RBFOX3: variants seen among roughly 807,000 people sequenced by gnomAD.
The protein encoded by RBFOX3 is RNA binding protein fox-1 homolog 3.
RBFOX3 carries 17 observed loss-of-function variants against 48.7 expected under a neutral mutation model. That is an observed-to-expected ratio of 0.35 (90% CI 0.24 to 0.52). The LOEUF is 0.52. RBFOX3 is among the 20% of genes least tolerant of loss of function. The pLI, the probability that RBFOX3 is intolerant of heterozygous loss-of-function variation, is 0.94. For synonymous variants in RBFOX3, 212 were observed against 209.5 expected (o/e 1.01, Z -0.10); for missense variants, 382 against 497.5 (o/e 0.77, Z 2.21).
intron 2 of RBFOX3, among the ~76,000 whole-genome samples, chr17:79,350,302 C>T (rs951985970): frequency 6.6e-6 from 1 of 152,174 alleles, no homozygotes; most frequent in Non-Finnish European, 1.5e-5. Flanking sequence ...TCTGATGGTC[C>T]TGTTTAATTC....
At chr17:79,306,523 C>T (rs777571276) in intron 3 of RBFOX3, among the ~76,000 whole-genome samples, 12 of 152,238 alleles carry the variant, frequency 7.9e-5, no homozygotes, top group Non-Finnish European at 1.5e-4. Flanking sequence ...CTGTTTCCAA[C>T]TCAGGCTAAA....
At chr17:79,551,489 G>A (rs1362326115) in intron 1 of RBFOX3, among the ~76,000 whole-genome samples, 1 of 143,302 alleles carries the variant, frequency 7.0e-6, no homozygotes, top group Non-Finnish European at 1.5e-5. Flanking sequence ...GTGGATGGAC[G>A]GGTGGGTGGA....
At chr17:79,463,196 G>GCCATCGCCACTGCCACCT in intron 2 of RBFOX3, among the ~76,000 whole-genome samples, 1 of 114,032 alleles carries the variant, frequency 8.8e-6, no homozygotes, top group South Asian at 3.0e-4. Context: ...CACTGCCACC[G>GCCATCGCCACTGCCACCT]CCATCGCCAC....
At chr17:79,316,035 C>T (rs1334596458) in intron 2 of RBFOX3, among the ~76,000 whole-genome samples, 2 of 152,162 alleles carry the variant, frequency 1.3e-5, no homozygotes, top group Non-Finnish European at 2.9e-5. Context: ...AGTATCTGTG[C>T]CCCCTGCTGC....
At chr17:79,529,638 C>T (rs1055621602) in intron 1 of RBFOX3, among the ~76,000 whole-genome samples, 12,947 of 152,258 alleles carry the variant, frequency 0.085, 579 homozygotes, top group East Asian at 0.12. Context: ...GGGTAGAGGA[C>T]ACAGTCTGTG....
chr17:79,289,108 C>A lies in RBFOX3; in HGVS notation c.-74+18616G>T, dbSNP rs2072683614. ...ACCAGAACCTGTCATCTCTAACCTT[C>A]TGCTGCTCCCCAGATCCCAAAAGAC... On this transcript the variant is annotated intron_variant, in intron 3 of 14. Transcript: ENST00000693108. Among the ~76,000 whole-genome samples, 3 of 152,200 alleles carry A rather than the reference C, an allele frequency of 2.0e-5. No homozygotes were observed. The South Asian group carries it at 6.2e-4, about 32-fold the overall frequency.
chr17:79,505,130 C>T (rs981600581), intron 1 of RBFOX3, among the ~76,000 whole-genome samples: 2 of 152,180 alleles, frequency 1.3e-5, no homozygotes, highest in Non-Finnish European at 2.9e-5. Context: ...CCAGAAGCTG[C>T]TTAAGTGGAA....
intron 3 of RBFOX3, among the ~76,000 whole-genome samples, chr17:79,238,000 A>T (rs1286182788): frequency 6.6e-6 from 1 of 152,192 alleles, no homozygotes; most frequent in African/African-American, 2.4e-5. Context: ...GCAATGGTGC[A>T]ATCTCAGCTC....
At chr17:79,410,194 G>A (rs1220758200) in intron 2 of RBFOX3, among the ~76,000 whole-genome samples, 2 of 152,206 alleles carry the variant, frequency 1.3e-5, no homozygotes, top group African/African-American at 4.8e-5. Context: ...TGGCCGCCTG[G>A]CTGCCTTGGG....
intron 1 of RBFOX3, among the ~76,000 whole-genome samples, chr17:79,533,836 A>C (rs782002545): frequency 7.9e-5 from 12 of 152,254 alleles, no homozygotes; most frequent in Admixed American, 2.0e-4. Context: ...AAAAAGAAGA[A>C]AATAAAAATA....
In RBFOX3 at chr17:79,167,738, G is replaced by A. The variant is rs553735315; in HGVS notation, c.-33-51990C>T. Among the ~76,000 whole-genome samples the A allele has an allele frequency of 7.2e-5, 11 of 152,312 alleles. 1 individual carries two copies. Among genetic ancestry groups the A allele is most frequent in the Admixed American group, 5.9e-4 (9 of 15,310 alleles). ...TAAATTCTCCCCATCAGCTGCCCTG[G>A]GGCCTCTTCAACCCTGGCCCTACCT... On this transcript the variant is annotated intron_variant, in intron 4 of 14. Coordinates refer to ENST00000693108, the MANE Select transcript of RBFOX3 (RefSeq NM_001350451.2).
intron 4 of RBFOX3, among the ~76,000 whole-genome samples, chr17:79,120,891 T>A (rs2035571251): frequency 6.6e-6 from 1 of 152,102 alleles, no homozygotes; most frequent in African/African-American, 2.4e-5. Context: ...CAGCTCTTCC[T>A]GCTCTACTCC....
Position 79,477,483 on chromosome 17 carries a change from G to A in RBFOX3, c.-175+4971C>T, listed in dbSNP as rs765551720. On this transcript the variant is annotated intron_variant, in intron 2 of 14. Coordinates refer to ENST00000693108, the MANE Select transcript of RBFOX3 (RefSeq NM_001350451.2). The surrounding 1 kb of genome is among the most constrained non-coding windows in gnomAD (Gnocchi z 4.8). Reference sequence around the variant, plus strand: ...AGGCAGGAGAATGGCGTGAACCCGGGAGGCGGAGTTTGCAGTGAGCTGAGA... The same window carrying A: ...AGGCAGGAGAATGGCGTGAACCCGGAAGGCGGAGTTTGCAGTGAGCTGAGA... Among the ~76,000 whole-genome samples, 30 of 151,964 alleles carry A rather than the reference G, an allele frequency of 2.0e-4. No individual in the cohort carries two copies. Among genetic ancestry groups the A allele is most frequent in the Non-Finnish European group, 4.0e-4 (27 of 67,994 alleles).
At chr17:79,369,402 G>T (rs1165035963) in intron 2 of RBFOX3, among the ~76,000 whole-genome samples, 1 of 152,174 alleles carries the variant, frequency 6.6e-6, no homozygotes, top group Non-Finnish European at 1.5e-5. Context: ...CGTGACTGCT[G>T]GGGGCAAAGG....
chr17:79,535,729 C>A lies in RBFOX3; in HGVS notation c.-319-53131G>T, dbSNP rs2150123126. ...CAATCGGACATAGGAATAACGTGTC[C>A]TCTGCACCCAGGAAGCCTGCAGCAC... On this transcript the variant is annotated intron_variant, in intron 1 of 14. Coordinates refer to ENST00000693108, the MANE Select transcript of RBFOX3 (RefSeq NM_001350451.2). This position sits in a 1 kb window ranked among gnomAD's most constrained non-coding sequence, Gnocchi z 4.5. Among the ~76,000 whole-genome samples, 1 of 152,316 alleles carries A rather than the reference C, an allele frequency of 6.6e-6. No homozygotes were observed.
intron 1 of RBFOX3, among the ~76,000 whole-genome samples, chr17:79,579,387 A>C (rs1354063800): frequency 6.6e-6 from 1 of 152,086 alleles, no homozygotes; most frequent in Non-Finnish European, 1.5e-5. Context: ...AAAACCAAGA[A>C]CTGCACCCCG....
chr17:79,399,202 T>C (rs953733166), intron 2 of RBFOX3, among the ~76,000 whole-genome samples: 3 of 152,022 alleles, frequency 2.0e-5, no homozygotes, highest in African/African-American at 4.8e-5. Flanking sequence ...CTCCAGAATG[T>C]TAAAAAAAAA....
At chr17:79,238,980 C>G (rs2061982631) in intron 3 of RBFOX3, among the ~76,000 whole-genome samples, 1 of 152,294 alleles carries the variant, frequency 6.6e-6, no homozygotes, top group South Asian at 2.1e-4. Flanking sequence ...CGTCCTCCAT[C>G]GTTTCACAGA....
At position 79,242,289 on chromosome 17, in the gene RBFOX3, A is replaced by G. The variant is rs1312307487; in HGVS notation, c.-73-6484T>C. On this transcript the variant is annotated intron_variant, in intron 3 of 14. Coordinates refer to ENST00000693108, the MANE Select transcript of RBFOX3 (RefSeq NM_001350451.2). This position sits in a 1 kb window ranked among gnomAD's most constrained non-coding sequence, Gnocchi z 5.8. ...GGCAGCTTTGAGAAACTCCCAGTGC[A>G]CCACTCTCTTGTGTTACTTCAGATT... Among the ~76,000 whole-genome samples the G allele has an allele frequency of 6.6e-6, 1 of 152,072 alleles. No homozygotes were observed. The highest frequency in any genetic ancestry group is 1.5e-5 in the Non-Finnish European group (1 of 68,016).
Sources: allele counts gnomAD v4.1 joint callset (sites outside exome capture counted in the v4.1 genomes callset), GRCh38; gene constraint gnomAD v4.1.1; non-coding constraint Gnocchi (gnomAD v3.1); transcripts MANE v1.5; gene names NCBI Gene and HGNC (gene_info 2026-07-23, HGNC 2026-07-21).